NTM: variants seen among roughly 807,000 people sequenced by gnomAD.
NTM encodes neurotrimin.
In NTM, 13 loss-of-function variants were observed where a neutral mutation model predicts 42.1. The ratio of observed to expected loss-of-function variants is 0.31; its 90% CI spans 0.20 to 0.49. The LOEUF (loss-of-function observed/expected upper bound fraction) is 0.49, where lower values mean the gene tolerates loss of function less well. NTM is among the 20% of genes least tolerant of loss of function. The pLI is 0.99. For missense variants in NTM, 373 were observed against 452.8 expected, an observed-to-expected ratio of 0.82 and a Z score of 1.60; for synonymous variants, 187 against 179.2, an observed-to-expected ratio of 1.04 and a Z score of -0.35.
chr11:131,752,800 C>CTA (rs34245401), intron 1 of NTM, among the ~76,000 whole-genome samples: 2 of 151,850 alleles, frequency 1.3e-5, no homozygotes, highest in African/African-American at 4.8e-5. Context: ...AGAAGAAAAC[C>CTA]GCGCATTACC....
intron 1 of NTM, among the ~76,000 whole-genome samples, chr11:131,715,863 A>C (rs2077640990): frequency 1.3e-5 from 2 of 152,232 alleles, no homozygotes; most frequent in Admixed American, 1.3e-4. Context: ...AGTATTCCAC[A>C]GTATGCATAT....
At chr11:131,392,635 A>T (rs568634367) in intron 1 of NTM, among the ~76,000 whole-genome samples, 1 of 152,286 alleles carries the variant, frequency 6.6e-6, no homozygotes, top group South Asian at 2.1e-4. Context: ...GGAGGAGTTG[A>T]TGGGCACCTG....
At chr11:132,301,424 A>C (rs184345530) in intron 4 of NTM, among the ~76,000 whole-genome samples, 2 of 152,312 alleles carry the variant, frequency 1.3e-5, no homozygotes, top group Admixed American at 1.3e-4. Context: ...TCATGAAAAC[A>C]GCTTCTTTCC....
At chr11:131,817,390 T>A (rs913314537) in intron 1 of NTM, among the ~76,000 whole-genome samples, 2 of 151,686 alleles carry the variant, frequency 1.3e-5, no homozygotes, top group African/African-American at 4.9e-5. Flanking sequence ...TTAGGGGGAG[T>A]GAGAATTTAA....
intron 1 of NTM, among the ~76,000 whole-genome samples, chr11:131,552,310 A>G (rs1198941838): frequency 6.6e-6 from 1 of 152,146 alleles, no homozygotes; most frequent in Non-Finnish European, 1.5e-5. Context: ...TCAGTTTGGA[A>G]AACAGTTTGC....
At chr11:131,538,921 C>CTT (rs58463755) in intron 1 of NTM, among the ~76,000 whole-genome samples, 4,587 of 102,432 alleles carry the variant, frequency 0.045, 359 homozygotes, top group African/African-American at 0.15. Flanking sequence ...GTTAACTTAG[C>CTT]TTTTTTTTTT....
intron 1 of NTM, among the ~76,000 whole-genome samples, chr11:131,525,483 A>G (rs1283047820): frequency 6.6e-6 from 1 of 152,218 alleles, no homozygotes; most frequent in Non-Finnish European, 1.5e-5. Context: ...GGGCCACACC[A>G]GCATTTAGCA....
At chr11:131,780,898 C>G (rs1354663254) in intron 1 of NTM, among the ~76,000 whole-genome samples, 1 of 152,042 alleles carries the variant, frequency 6.6e-6, no homozygotes, top group Non-Finnish European at 1.5e-5. Context: ...AACTAATAAC[C>G]ATAAGGAACT....
At chr11:132,215,454 G>A (rs1474512584) in intron 4 of NTM, among the ~76,000 whole-genome samples, 3 of 151,928 alleles carry the variant, frequency 2.0e-5, no homozygotes, top group Non-Finnish European at 4.4e-5. Flanking sequence ...TGACTACCTT[G>A]TGTGGAAAGG....
At chr11:131,876,644 C>A (rs1456296785) in intron 1 of NTM, among the ~76,000 whole-genome samples, 1 of 152,184 alleles carries the variant, frequency 6.6e-6, no homozygotes, top group African/African-American at 2.4e-5. Context: ...GCAGTAGAAC[C>A]ACCATTGAAG....
chr11:131,600,273 G>A (rs1256799674), intron 1 of NTM, among the ~76,000 whole-genome samples: 5 of 152,098 alleles, frequency 3.3e-5, no homozygotes, highest in South Asian at 2.1e-4. Flanking sequence ...GAAATGTTAC[G>A]GAATAACACA....
Position 131,743,838 on chromosome 11 carries a change from A to G in NTM, c.83-167726A>G, listed in dbSNP as rs375464640. ...GTATCCAGTACTTGGGAGAAGAGCT[A>G]TTGTATCCAGTACAATTCCCCAATG... On this transcript the variant is annotated intron_variant, in intron 1 of 8. Coordinates refer to ENST00000683400, the MANE Select transcript of NTM (RefSeq NM_001352005.2). Among the ~76,000 whole-genome samples, 32 of 152,360 alleles carry G rather than the reference A, an allele frequency of 2.1e-4. No individual in the cohort carries two copies. In the East Asian group the frequency reaches 5.0e-3, roughly 24 times the overall value.
At chr11:132,027,454 T>C (rs2075336553) in intron 2 of NTM, among the ~76,000 whole-genome samples, 1 of 152,258 alleles carries the variant, frequency 6.6e-6, no homozygotes, top group African/African-American at 2.4e-5. Context: ...CCTCAACTTT[T>C]GATTGTCTGA....
intron 1 of NTM, among the ~76,000 whole-genome samples, chr11:131,731,344 G>A (rs184581943): frequency 7.2e-5 from 11 of 152,008 alleles, no homozygotes; most frequent in South Asian, 4.2e-4. Context: ...AAAATAACTC[G>A]TTTAGTCTCC....
chr11:132,106,434 A>T (rs2062384056), intron 2 of NTM, among the ~76,000 whole-genome samples: 1 of 152,230 alleles, frequency 6.6e-6, no homozygotes, highest in African/African-American at 2.4e-5. Flanking sequence ...AGGAGATTTG[A>T]GCCATCTGGA....
At chr11:131,516,288 TCAGGGGCGTGTAGTA>T (rs2048879211) in intron 1 of NTM, among the ~76,000 whole-genome samples, 1 of 152,248 alleles carries the variant, frequency 6.6e-6, no homozygotes, top group Admixed American at 6.5e-5. Context: ...GTTTATTAAT[TCAGGGGCGTGTAGTA>T]CATTTCTAGG....
At chr11:131,872,688 A>G (rs1321162638) in intron 1 of NTM, among the ~76,000 whole-genome samples, 2 of 152,186 alleles carry the variant, frequency 1.3e-5, no homozygotes, top group Non-Finnish European at 2.9e-5. Flanking sequence ...TAATTTGGTG[A>G]TTCATATTTT....
intron 3 of NTM, among the ~76,000 whole-genome samples, chr11:132,208,936 C>T (rs1375316741): frequency 6.6e-6 from 1 of 152,294 alleles, no homozygotes; most frequent in East Asian, 1.9e-4. Context: ...CCAGCACAGA[C>T]ATTCTGCAGG....
At chr11:131,592,680 ACAC>A (rs2059481462) in intron 1 of NTM, among the ~76,000 whole-genome samples, 1 of 137,234 alleles carries the variant, frequency 7.3e-6, no homozygotes, top group African/African-American at 3.0e-5. Context: ...ACACACACAC[ACAC>A]ACACCATAGT....
Sources: allele counts gnomAD v4.1 joint callset (sites outside exome capture counted in the v4.1 genomes callset), GRCh38; gene constraint gnomAD v4.1.1; transcripts MANE v1.5; gene names NCBI Gene and HGNC (gene_info 2026-07-23, HGNC 2026-07-21).